Variants in CHST1 observed in about 807,000 individuals in gnomAD.
CHST1 encodes Keratan sulfotransferase.
A neutral mutation model predicts 22.5 loss-of-function variants in CHST1; 10 were observed. The observed-to-expected ratio is 0.44, with a 90% CI of 0.27 to 0.75. CHST1 has a LOEUF of 0.75. Ranked by LOEUF, CHST1 falls within the 30% of genes least tolerant of loss-of-function variation. The pLI is 0.15. For missense variants in CHST1, 439 were observed against 576.1 expected (o/e 0.76, Z 2.44); for synonymous variants, 267 against 264.5 (o/e 1.01, Z -0.09).
At chr11:45,655,772 G>A (rs1048749053) in intron 1 of CHST1, among the ~76,000 whole-genome samples, 17 of 152,310 alleles carry the variant, frequency 1.1e-4, no homozygotes, top group Admixed American at 1.1e-3. Context: ...GGGTGACCTT[G>A]GACTCACCCC....
intron 1 of CHST1, among the ~76,000 whole-genome samples, chr11:45,655,524 G>A (rs992686336): frequency 6.6e-6 from 1 of 152,232 alleles, no homozygotes; most frequent in African/African-American, 2.4e-5. Flanking sequence ...CCTGATGTGA[G>A]GATGCAGCCA....
chr11:45,653,750 T>C (rs1852027793), intron 1 of CHST1, among the ~76,000 whole-genome samples: 1 of 152,202 alleles, frequency 6.6e-6, no homozygotes, highest in South Asian at 2.1e-4. Flanking sequence ...CAGGCACTGT[T>C]CTAGATGCTA....
chr11:45,653,954 A>G (rs1221481576), intron 1 of CHST1, among the ~76,000 whole-genome samples: 1 of 152,118 alleles, frequency 6.6e-6, no homozygotes, highest in African/African-American at 2.4e-5. Flanking sequence ...CCAAGCTCAC[A>G]CCCATAATAA....
At chr11:45,655,939 T>C (rs1024363224) in intron 1 of CHST1, among the ~76,000 whole-genome samples, 2 of 152,200 alleles carry the variant, frequency 1.3e-5, no homozygotes, top group African/African-American at 2.4e-5. Context: ...GGACCCTCCA[T>C]TGGGAGTGGG....
chr11:45,660,782 G>A (rs1852122096), intron 1 of CHST1, among the ~76,000 whole-genome samples: 1 of 152,080 alleles, frequency 6.6e-6, no homozygotes, highest in African/African-American at 2.4e-5. Flanking sequence ...CCAGCTTGGG[G>A]CCCCCCACAC....
chr11:45,654,755 G>T (rs1324046414), intron 1 of CHST1, among the ~76,000 whole-genome samples: 1 of 152,222 alleles, frequency 6.6e-6, no homozygotes, highest in Non-Finnish European at 1.5e-5. Context: ...ATTTCTGTTA[G>T]AAAGCAGGCA....
In CHST1 at chr11:45,650,095, C is replaced by T. The variant is rs754698246; in HGVS notation, c.829G>A (p.Glu277Lys). The change falls in exon 4 of 4, where the codon GAG becomes AAG. Residue 277 changes from glutamate to lysine, a missense_variant. Coordinates refer to ENST00000308064, the MANE Select transcript of CHST1 (RefSeq NM_003654.6). ...GTGGACACGGAGTTGGAGAAGTCCT[C>T]GCACACCGTGGTCAGCTGCGTCACG... ...LDVTQLTTVC[E>K]DFSNSVSTGL... is the part of the protein sequence containing the mutation. 1.2e-6 allele frequency: 2 copies of T among 1,614,052 alleles called. No homozygotes were observed. The highest frequency in any genetic ancestry group is 2.2e-5 in the East Asian group (1 of 44,866).
chr11:45,660,831 A>C (rs1370158120), intron 1 of CHST1, among the ~76,000 whole-genome samples: 1 of 152,220 alleles, frequency 6.6e-6, no homozygotes, highest in Non-Finnish European at 1.5e-5. Context: ...ACTCACTGAC[A>C]CTGGCAGAAA....
In CHST1 at chr11:45,650,681, G is replaced by A; in HGVS notation, c.243C>T (p.Asn81=). The A allele has an allele frequency of 1.2e-6, 2 of 1,614,142 alleles. No homozygotes were observed. The highest frequency in any genetic ancestry group is 1.7e-6 in the Non-Finnish European group (2 of 1,180,010). Reference sequence around the variant, plus strand: ...ACAGGTAGAAGACGTCCAGGTGCTGGTTGAAGAGCTGGCCCACGAAGGAGG... The same window carrying A: ...ACAGGTAGAAGACGTCCAGGTGCTGATTGAAGAGCTGGCCCACGAAGGAGG... The part of the protein sequence containing the change: ...SGSSFVGQLF[N]QHLDVFYLFE... Residue 81 remains asparagine, a synonymous_variant, in exon 4 of 4, where the codon AAC becomes AAT. Transcript: ENST00000308064.
chr11:45,656,947 G>T (rs1852070188), intron 1 of CHST1, among the ~76,000 whole-genome samples: 1 of 152,148 alleles, frequency 6.6e-6, no homozygotes, highest in South Asian at 2.1e-4. Flanking sequence ...ATGGGGAAAT[G>T]ACTCTTCTCC....
rs1466700595 is a variant in CHST1 at position 45,649,723 on chromosome 11, GGCT to G, written c.1198_1200del (p.Ser400del). On this transcript the variant is annotated inframe_deletion, in exon 4 of 4. Coordinates refer to ENST00000308064, the MANE Select transcript of CHST1 (RefSeq NM_003654.6). ...GGGCGGAAGTCCCGCTCCTCCACCAGGCTGACCGAGGGGTTCTTCAGCTCCTCC... is the reference window on the plus strand; with the variant it reads ...GGGCGGAAGTCCCGCTCCTCCACCAGGACCGAGGGGTTCTTCAGCTCCTCC... 1 of 1,599,410 alleles carries G rather than the reference GGCT, an allele frequency of 6.3e-7. No homozygotes were observed. Among genetic ancestry groups the G allele is most frequent in the Non-Finnish European group, 8.5e-7 (1 of 1,174,328 alleles).
intron 1 of CHST1, among the ~76,000 whole-genome samples, chr11:45,658,439 T>C (rs2120345451): frequency 1.3e-5 from 2 of 152,332 alleles, no homozygotes; most frequent in East Asian, 1.9e-4. Flanking sequence ...TTAAAACAGA[T>C]GCCGTAGCCT....
intron 1 of CHST1, among the ~76,000 whole-genome samples, chr11:45,655,022 G>A (rs1285142642): frequency 1.3e-5 from 2 of 152,148 alleles, no homozygotes; most frequent in East Asian, 3.8e-4. Flanking sequence ...AAGAATTGAA[G>A]GTCTTAAAGC....
chr11:45,650,858 G>T lies in CHST1; in HGVS notation c.66C>A (p.Ala22=), dbSNP rs1219688172. ...ALASIAIQYT[A]IRTFTAKSFH... is the part of the protein sequence containing the mutation. ...AGGACTTGGCGGTGAAGGTGCGGAT[G>T]GCCGTGTACTGGATGGCAATGGAGG... Residue 22 remains alanine (A), a synonymous_variant, in exon 4 of 4, where the codon GCC becomes GCA. Coordinates refer to ENST00000308064, the MANE Select transcript of CHST1 (RefSeq NM_003654.6). 3.8e-6 allele frequency: 6 copies of T among 1,583,172 alleles called. No homozygotes were observed. Among genetic ancestry groups the T allele is most frequent in the Non-Finnish European group, 5.2e-6 (6 of 1,162,672 alleles).
intron 1 of CHST1, among the ~76,000 whole-genome samples, chr11:45,657,452 T>A (rs923415231): frequency 6.6e-6 from 1 of 152,166 alleles, no homozygotes; most frequent in Non-Finnish European, 1.5e-5. Flanking sequence ...ACAGGACCCA[T>A]GAGATAAAGA....
intron 1 of CHST1, among the ~76,000 whole-genome samples, chr11:45,658,953 C>T (rs1317318602): frequency 6.6e-6 from 1 of 152,218 alleles, no homozygotes. Flanking sequence ...GGGAGAGGGG[C>T]CCGCCTGTCT....
At chr11:45,656,445 T>C (rs1214953639) in intron 1 of CHST1, among the ~76,000 whole-genome samples, 1 of 152,154 alleles carries the variant, frequency 6.6e-6, no homozygotes, top group Non-Finnish European at 1.5e-5. Context: ...CTTTTCAGAT[T>C]TGTTTAAGGA....
chr11:45,660,576 G>C (rs1442249617), intron 1 of CHST1, among the ~76,000 whole-genome samples: 2 of 152,214 alleles, frequency 1.3e-5, no homozygotes, highest in Admixed American at 6.5e-5. Context: ...CAGGAGAGGG[G>C]CTTAAATGGC....
At chr11:45,661,436 A>T (rs1432336688) in intron 1 of CHST1, among the ~76,000 whole-genome samples, 2 of 152,232 alleles carry the variant, frequency 1.3e-5, no homozygotes, top group East Asian at 3.9e-4. Flanking sequence ...TGAGGACAGC[A>T]AAACAGTCCA....
Sources: allele counts gnomAD v4.1 joint callset (sites outside exome capture counted in the v4.1 genomes callset), GRCh38; gene constraint gnomAD v4.1.1; transcripts MANE v1.5; gene names NCBI Gene and HGNC (gene_info 2026-07-23, HGNC 2026-07-21).